The following PIF1 variants were observed in gnomAD, a reference collection of about 807,000 sequenced individuals.
PIF1 encodes PIF1 5'-to-3' DNA helicase.
Under a neutral mutation model 62.3 loss-of-function variants are expected in PIF1, and 67 were observed. The ratio of observed to expected loss-of-function variants is 1.08; its 90% confidence interval spans 0.88 to 1.32. The LOEUF (loss-of-function observed/expected upper bound fraction) is 1.32. Among genes scored for constraint, PIF1 ranks in the 40% most tolerant of loss-of-function variants. The pLI is 0.00. For synonymous variants in PIF1, 364 were observed against 379.5 expected (o/e 0.96, Z 0.47); for missense variants, 886 against 866.1 (o/e 1.02, Z -0.29).
intron 1 of PIF1, among the ~76,000 whole-genome samples, chr15:64,824,891 A>G (rs1362748442): frequency 6.7e-6 from 1 of 148,578 alleles, no homozygotes; most frequent in Non-Finnish European, 1.5e-5. Context: ...GTGTATATAT[A>G]TGTATATATA....
At position 64,819,229 on chromosome 15, in the gene PIF1, GA is replaced by G; in HGVS notation, c.1334-7del. On this transcript the variant is annotated splice_polypyrimidine_tract_variant and splice_region_variant and intron_variant, in intron 8 of 12. Coordinates refer to ENST00000559239, the MANE Select transcript of PIF1 (RefSeq NM_001286496.2). ...CTCAAATCTGTGTACCTTACCTGGA[GA>G]AAAAGAGTTGAGCAAACAGATCACA... The G allele has an allele frequency of 1.3e-6, 2 of 1,589,098 alleles. No individual in the cohort carries two copies. Among genetic ancestry groups the G allele is most frequent in the South Asian group, 1.2e-5 (1 of 86,188 alleles).
In PIF1 at chr15:64,824,006, T is replaced by C; in HGVS notation, c.330A>G (p.Pro110=). 7.7e-7 allele frequency: 1 copy of C among 1,297,436 alleles called. No homozygotes were observed. The highest frequency in any genetic ancestry group is 2.3e-5 in the South Asian group (1 of 43,350). 80.4% of individuals were successfully genotyped at this position (1,297,436 alleles called of 1,614,324 possible). The change falls in exon 2 of 13, where the codon CCA becomes CCG. Residue 110 remains proline (P), a synonymous_variant. Coordinates refer to ENST00000559239, the MANE Select transcript of PIF1 (RefSeq NM_001286496.2). ...AVQLLLSDCP[P]DRLRRFLRTL... ...TGCGCAGGAAGCGGCGCAGGCGGTC[T>C]GGGGGGCAGTCCGAGAGCAGCAGCT...
chr15:64,826,083 C>G, upstream of PIF1, among the ~76,000 whole-genome samples: 1 of 152,164 alleles, frequency 6.6e-6, no homozygotes, highest in East Asian at 1.9e-4. Context: ...CAGTTCTGGG[C>G]AGACCACCCC....
In PIF1 at chr15:64,822,436, C is replaced by A. The variant is rs201269313; in HGVS notation, c.691+42G>T. On this transcript the variant is annotated intron_variant, in intron 3 of 12. Transcript: ENST00000559239. ...GACAGGTCTCCCTGTTCCTCTATCC[C>A]ACCCCACCACTGTCCCCCTACCTCC... 8 of 1,614,140 alleles carry A rather than the reference C, an allele frequency of 5.0e-6. No homozygotes were observed. In the Admixed American group the frequency reaches 1.0e-4, roughly 20 times the overall value.
In PIF1 at chr15:64,824,992, T is replaced by C. The variant is rs1312092919; in HGVS notation, c.-20+577A>G. On this transcript the variant is annotated intron_variant, in intron 1 of 12. Transcript: ENST00000559239. The stretch of plus-strand genomic sequence containing the variant: ...ACACACAATATATATACAATTTCTA[T>C]ATATATACACACACACACACACACA... 3.7e-5 allele frequency among the ~76,000 whole-genome samples: 5 copies of C among 136,622 alleles called. No individual in the cohort carries two copies. In the East Asian group the frequency reaches 9.3e-4, roughly 26 times the overall value. The allele number at this position is 136,622 out of a possible 152,430, so 89.6% of individuals were successfully genotyped here.
At chr15:64,817,645 C>T (rs1290821503) in intron 11 of PIF1, among the ~76,000 whole-genome samples, 1 of 151,740 alleles carries the variant, frequency 6.6e-6, no homozygotes, top group Non-Finnish European at 1.5e-5. Flanking sequence ...GAGTGGATCA[C>T]CAGGTCAGGA....
intron 2 of PIF1, chr15:64,823,567 C>A (rs558879509): frequency 1.2e-4 from 46 of 394,898 alleles, no homozygotes; most frequent in African/African-American, 8.7e-4. Context: ...TTTAATGTAG[C>A]CAGGTCCCAT....
At chr15:64,817,677 C>T (rs189330705) in intron 11 of PIF1, among the ~76,000 whole-genome samples, 1 of 152,030 alleles carries the variant, frequency 6.6e-6, no homozygotes, top group East Asian at 1.9e-4. Flanking sequence ...TCCTGGCCAA[C>T]AAAGTGAAAC....
At chr15:64,825,918 G>A (rs2084361040), upstream of PIF1, among the ~76,000 whole-genome samples, 1 of 152,276 alleles carries the variant, frequency 6.6e-6, no homozygotes, top group African/African-American at 2.4e-5. Flanking sequence ...TGTCGGGTCT[G>A]AAAACCCTAC....
Position 64,815,744 on chromosome 15 carries a change from G to A in PIF1, c.*554C>T, listed in dbSNP as rs1013657743. 1.3e-6 allele frequency: 2 copies of A among 1,550,512 alleles called. No individual in the cohort carries two copies. The highest frequency in any genetic ancestry group is 2.7e-5 in the African/African-American group (2 of 73,054). ...TGAAAAAGCAGCTTAAAATATGGGTGCACATTTTGCAGCTTATGTTCTTTG... is the reference window on the plus strand; with the variant it reads ...TGAAAAAGCAGCTTAAAATATGGGTACACATTTTGCAGCTTATGTTCTTTG... On this transcript the variant is annotated 3_prime_UTR_variant, in exon 13 of 13. Transcript: ENST00000559239.
intron 2 of PIF1, 77 bp from the exon 3 acceptor site, chr15:64,822,687 A>T: frequency 6.3e-7 from 1 of 1,584,438 alleles, no homozygotes; most frequent in Non-Finnish European, 8.6e-7. Flanking sequence ...CCCATGTGCA[A>T]TGCTGGGCCT....
intron 2 of PIF1, among the ~76,000 whole-genome samples, chr15:64,823,020 G>C (rs557019643): frequency 6.6e-6 from 1 of 151,652 alleles, no homozygotes; most frequent in Admixed American, 6.6e-5. Flanking sequence ...CTGTCCTCTC[G>C]CCAGCTTAGT....
Position 64,824,327 on chromosome 15 carries a change from C to T in PIF1, c.9G>A (p.Ser3=). Residue 3 remains serine, a synonymous_variant, in exon 2 of 13, where the codon TCG becomes TCA. Transcript: ENST00000559239. ML[S]GIEAAAGEYE... is the part of the protein sequence containing the mutation. ...ATTCCCCTGCCGCCGCCTCTATGCC[C>T]GAGAGCATCGTCACCGCCTCTGCTG... 1 of 1,252,742 alleles carries T rather than the reference C, an allele frequency of 8.0e-7. No individual in the cohort carries two copies. The highest frequency in any genetic ancestry group is 1.0e-6 in the Non-Finnish European group (1 of 997,524). 77.6% of individuals were successfully genotyped at this position (1,252,742 alleles called of 1,614,324 possible). A position where few individuals can be genotyped will look rare whatever the true frequency, so the allele number is the denominator to read the frequency against.
chr15:64,823,794 C>A lies in PIF1; in HGVS notation c.542G>T (p.Gly181Val), dbSNP rs527276492. Reference protein sequence around the residue: ...LVKRPVEPQAGAEPSTEAPRW... With the variant: ...LVKRPVEPQAVAEPSTEAPRW... ...CGTCCTCACTGTGCTAGGCTCGGCC[C>A]CAGCCTGGGGCTCCACAGGCCGCTT... Residue 181 changes from glycine (G) to valine (V), a missense_variant, in exon 2 of 13, where the codon GGG (glycine) becomes GTG (valine). Physicochemically the swap from Gly to Val is moderately radical, Grantham distance 109. Transcript: ENST00000559239. 4 of 1,341,068 alleles carry A rather than the reference C, an allele frequency of 3.0e-6. No homozygotes were observed. The East Asian group carries it at 1.1e-4, about 37-fold the overall frequency. 83.1% of individuals were successfully genotyped at this position (1,341,068 alleles called of 1,614,324 possible).
upstream of PIF1, among the ~76,000 whole-genome samples, chr15:64,826,815 TC>T (rs1383540201): frequency 6.6e-6 from 1 of 150,836 alleles, no homozygotes; most frequent in African/African-American, 2.4e-5. Flanking sequence ...TGTCTCGAAC[TC>T]CGGAGGTCAA....
Position 64,822,807 on chromosome 15 carries a change from C to G in PIF1, c.559-197G>C, listed in dbSNP as rs150477934. ...ATCTCTCCTTGTGCCCTGAAGACCC[C>G]CATTGTCCAGTCCTGGGCAGACCAC... On this transcript the variant is annotated intron_variant, in intron 2 of 12. Transcript: ENST00000559239. 1.1e-3 allele frequency among the ~76,000 whole-genome samples: 169 copies of G among 152,256 alleles called. 1 individual carries two copies. The Middle Eastern group carries it at 0.027, about 25-fold the overall frequency.
At position 64,823,795 on chromosome 15, in the gene PIF1, C is replaced by T. The variant is rs767214998; in HGVS notation, c.541G>A (p.Gly181Arg). 41 of 1,341,252 alleles carry T rather than the reference C, an allele frequency of 3.1e-5. No individual in the cohort carries two copies. Among genetic ancestry groups the T allele is most frequent in the Non-Finnish European group, 3.7e-5 (38 of 1,036,662 alleles). The allele number at this position is 1,341,252 out of a possible 1,614,324, so 83.1% of individuals were successfully genotyped here. A position where few individuals can be genotyped will look rare whatever the true frequency, so the allele number is the denominator to read the frequency against. Residue 181 changes from glycine to arginine, a missense_variant, in exon 2 of 13, where the codon GGG (glycine) becomes AGG (arginine). Coordinates refer to ENST00000559239, the MANE Select transcript of PIF1 (RefSeq NM_001286496.2). The part of the protein sequence containing the change: ...LVKRPVEPQA[G>R]AEPSTEAPRW... ...GTCCTCACTGTGCTAGGCTCGGCCC[C>T]AGCCTGGGGCTCCACAGGCCGCTTC... is the stretch of plus-strand genomic sequence containing the variant.
At chr15:64,818,645 G>T in intron 9 of PIF1, 1 of 408,940 alleles carries the variant, frequency 2.4e-6, no homozygotes, top group Non-Finnish European at 4.5e-6. Flanking sequence ...CTTGGTTATA[G>T]GTACATCTGT....
intron 7 of PIF1, 33 bp downstream of exon 7, chr15:64,820,949 C>T (rs756547542): frequency 3.8e-6 from 6 of 1,585,934 alleles, no homozygotes; most frequent in South Asian, 1.1e-5. Flanking sequence ...GGATCCTCAT[C>T]CCATAGCCCC....
Sources: allele counts gnomAD v4.1 joint callset (sites outside exome capture counted in the v4.1 genomes callset), GRCh38; gene constraint gnomAD v4.1.1; transcripts MANE v1.5; gene names NCBI Gene and HGNC (gene_info 2026-07-23, HGNC 2026-07-21).